DLG1: variants seen among roughly 807,000 people sequenced by gnomAD.
DLG1 encodes disks large homolog 1.
In DLG1, 42 loss-of-function variants were observed where a neutral mutation model predicts 123.4. The observed-to-expected ratio is 0.34, with a 90% CI of 0.27 to 0.44. DLG1 has a LOEUF of 0.44. Ranked by LOEUF, DLG1 falls within the 20% of genes least tolerant of loss-of-function variation. The pLI, the probability that DLG1 is intolerant of heterozygous loss-of-function variation, is 1.00. For missense variants in DLG1, 942 were observed against 1,082.6 expected (o/e 0.87, Z 1.82); for synonymous variants, 317 against 356.2 (o/e 0.89, Z 1.24).
At chr3:197,273,188 A>ATGTG (rs34778202) in intron 4 of DLG1, among the ~76,000 whole-genome samples, 36,038 of 147,820 alleles carry the variant, frequency 0.24, 5,155 homozygotes, top group East Asian at 0.65. Flanking sequence ...CACTGAATAT[A>ATGTG]TGTGTGTGTG....
At chr3:197,081,943 A>C (rs1364221452) in intron 16 of DLG1, among the ~76,000 whole-genome samples, 3 of 152,224 alleles carry the variant, frequency 2.0e-5, no homozygotes, top group Non-Finnish European at 4.4e-5. Flanking sequence ...TCCAATTTCG[A>C]CATAGCAATT....
At chr3:197,120,832 A>G (rs115615844) in intron 11 of DLG1, among the ~76,000 whole-genome samples, 70 of 152,332 alleles carry the variant, frequency 4.6e-4, no homozygotes, top group Non-Finnish European at 8.1e-4. Flanking sequence ...CAGTTCATAT[A>G]TAAGATGCTC....
chr3:197,268,547 G>A lies in DLG1; in HGVS notation c.318+14132C>T, dbSNP rs879454378. The stretch of plus-strand genomic sequence containing the variant: ...CAATTCTCCCACCTCATCCTCCCAC[G>A]TAGCTGGGACTACAGGCATGAAGGC... On this transcript the variant is annotated intron_variant, in intron 4 of 24. Transcript: ENST00000667157. Among the ~76,000 whole-genome samples the A allele has an allele frequency of 4.6e-5, 7 of 151,714 alleles. No homozygotes were observed. The East Asian group carries it at 1.2e-3, about 25-fold the overall frequency.
Position 197,245,905 on chromosome 3 carries a change from G to A in DLG1, c.318+36774C>T, listed in dbSNP as rs201291520. Reference sequence around the variant, plus strand: ...GGACAATACTTTTTTTTTTTTGGGGGGGGGGGAGGTGGCAAATGAAGGTTA... The same window carrying A: ...GGACAATACTTTTTTTTTTTTGGGGAGGGGGGAGGTGGCAAATGAAGGTTA... On this transcript the variant is annotated intron_variant, in intron 4 of 24. Transcript: ENST00000667157. Among the ~76,000 whole-genome samples the A allele has an allele frequency of 4.2e-5, 6 of 141,878 alleles. 1 individual carries two copies. Among genetic ancestry groups the A allele is most frequent in the Non-Finnish European group, 6.2e-5 (4 of 64,732 alleles). The allele number at this position is 141,878 out of a possible 152,430, so 93.1% of individuals were successfully genotyped here. A position where few individuals can be genotyped will look rare whatever the true frequency, so the allele number is the denominator to read the frequency against.
chr3:197,194,684 C>CTT, intron 4 of DLG1, 95 bp from the exon 5 acceptor site: 1 of 785,496 alleles, frequency 1.3e-6, no homozygotes, highest in East Asian at 3.0e-5. Flanking sequence ...CAATATTTAG[C>CTT]AATATAAAAA....
At chr3:197,247,551 C>T (rs1348397905) in intron 4 of DLG1, among the ~76,000 whole-genome samples, 3 of 152,082 alleles carry the variant, frequency 2.0e-5, no homozygotes, top group Non-Finnish European at 2.9e-5. Context: ...GGACTCTTGT[C>T]ATTGACATAC....
intron 1 of DLG1, chr3:197,298,102 C>A (rs921405587): frequency 1.7e-5 from 4 of 232,736 alleles, no homozygotes; most frequent in Non-Finnish European, 2.1e-5. Flanking sequence ...CGCTCTCCCC[C>A]GAAACTTTCC....
rs1170396545 is a variant in DLG1, at chr3:197,138,269, G to A, written c.836C>T (p.Pro279Leu). Residue 279 changes from proline to leucine, a missense_variant, in exon 9 of 25, where the codon CCA (proline) becomes CTA (leucine). Physicochemically the swap from Pro to Leu is moderately conservative, Grantham distance 98. Transcript: ENST00000667157. The stretch of plus-strand genomic sequence containing the variant: ...TATTTCCATTATTTTTTCTGACACT[G>A]GTTTCCTTCTTTTTACATACAAGCG... ...IVRLYVKRRK[P>L]VSEKIMEIKL... 6.2e-6 allele frequency: 10 copies of A among 1,602,308 alleles called. No homozygotes were observed. The highest frequency in any genetic ancestry group is 8.5e-6 in the Non-Finnish European group (10 of 1,172,424).
intron 14 of DLG1, among the ~76,000 whole-genome samples, chr3:197,098,527 A>G (rs2341225): frequency 0.27 from 40,864 of 152,124 alleles, 6,220 homozygotes; most frequent in East Asian, 0.72. Flanking sequence ...CTTCATATTT[A>G]TAGTCTTTGC....
At chr3:197,141,762 A>C (rs955726297) in intron 7 of DLG1, among the ~76,000 whole-genome samples, 1 of 147,184 alleles carries the variant, frequency 6.8e-6, no homozygotes, top group African/African-American at 2.5e-5. Context: ...TCACTCTGTC[A>C]CCCAGGCTAG....
chr3:197,298,779 T>C (rs1267935614), upstream of DLG1: 1 of 394,866 alleles, frequency 2.5e-6, no homozygotes, highest in African/African-American at 2.1e-5. Context: ...CGTCCCTTAG[T>C]AATAGGCTTG....
At chr3:197,069,099 AT>A (rs1741748770) in intron 19 of DLG1, 119 bp downstream of exon 19, 1 of 556,410 alleles carries the variant, frequency 1.8e-6, no homozygotes, top group Non-Finnish European at 3.0e-6. Context: ...TCTCTCCCTG[AT>A]TTTAAAATAA....
At chr3:197,066,518 T>G (rs992829445) in intron 20 of DLG1, among the ~76,000 whole-genome samples, 186 bp downstream of exon 20, 1 of 152,150 alleles carries the variant, frequency 6.6e-6, no homozygotes, top group African/African-American at 2.4e-5. Context: ...CAGTATGAAA[T>G]GACTAGATTC....
intron 5 of DLG1, among the ~76,000 whole-genome samples, chr3:197,191,410 TAC>T (rs1417725167): frequency 1.3e-5 from 2 of 152,170 alleles, no homozygotes; most frequent in Admixed American, 6.5e-5. Flanking sequence ...AAGAATAGGC[TAC>T]ATAAAATATG....
At chr3:197,102,653 GGCA>G (rs1764135237) in intron 14 of DLG1, among the ~76,000 whole-genome samples, 1 of 152,206 alleles carries the variant, frequency 6.6e-6, no homozygotes, top group Admixed American at 6.5e-5. Flanking sequence ...GGCCGAGGCA[GGCA>G]GATCACCTGA....
intron 19 of DLG1, among the ~76,000 whole-genome samples, chr3:197,067,551 G>GTT (rs199907948): frequency 0.051 from 5,485 of 107,066 alleles, 699 homozygotes; most frequent in African/African-American, 0.15. Context: ...AACTCTGAGA[G>GTT]TTTTTTTTTT....
intron 4 of DLG1, among the ~76,000 whole-genome samples, chr3:197,232,427 G>C (rs1014854827): frequency 5.4e-5 from 8 of 146,890 alleles, no homozygotes; most frequent in Admixed American, 3.4e-4. Flanking sequence ...GTAACAAAAA[G>C]AAAACTATTA....
intron 4 of DLG1, among the ~76,000 whole-genome samples, chr3:197,265,867 T>C (rs949925589): frequency 1.3e-5 from 2 of 152,032 alleles, no homozygotes; most frequent in African/African-American, 2.4e-5. Flanking sequence ...CTGACCAACA[T>C]GGTGAAACCC....
intron 3 of DLG1, among the ~76,000 whole-genome samples, chr3:197,294,798 CAG>C (rs1327084113): frequency 5.9e-5 from 9 of 152,020 alleles, no homozygotes; most frequent in African/African-American, 2.2e-4. Flanking sequence ...CCAATCTAGA[CAG>C]AAATATAAAT....
Sources: allele counts gnomAD v4.1 joint callset (sites outside exome capture counted in the v4.1 genomes callset), GRCh38; gene constraint gnomAD v4.1.1; transcripts MANE v1.5; gene names NCBI Gene and HGNC (gene_info 2026-07-23, HGNC 2026-07-21).